Variants in BORCS5 observed in about 807,000 individuals in gnomAD.
The protein encoded by BORCS5 is BLOC-1 related complex subunit 5.
BORCS5 carries 17 observed loss-of-function variants against 22.1 expected under a neutral mutation model. That is an observed-to-expected ratio of 0.77 (90% CI 0.53 to 1.15). The LOEUF (loss-of-function observed/expected upper bound fraction) is 1.15, where lower values mean the gene tolerates loss of function less well. Ranked by LOEUF, BORCS5 falls within the 50% of genes most tolerant of loss-of-function variation. The pLI is 0.00. For synonymous variants in BORCS5, 117 were observed against 99.8 expected (o/e 1.17, Z -1.03); for missense variants, 247 against 253.2 (o/e 0.98, Z 0.17).
In BORCS5 at chr12:12,424,732, G is replaced by T. The variant is rs532308403; in HGVS notation, c.203-10896G>T. 3.3e-5 allele frequency among the ~76,000 whole-genome samples: 5 copies of T among 152,182 alleles called. No homozygotes were observed. In the East Asian group the frequency reaches 7.7e-4, roughly 24 times the overall value. ...TTTGGTATTTTGATTGTTACAGGAT[G>T]TGTCTGTGCCAAGAATCAGCCAGAG... is the stretch of plus-strand genomic sequence containing the variant. On this transcript the variant is annotated intron_variant, in intron 2 of 3. Transcript: ENST00000314565.
chr12:12,400,577 T>C (rs1267270276), intron 2 of BORCS5, among the ~76,000 whole-genome samples: 3 of 136,010 alleles, frequency 2.2e-5, no homozygotes, highest in African/African-American at 6.2e-5. Context: ...ATTTGCAGTA[T>C]GTCAGCATAC....
At chr12:12,402,367 C>A (rs533187191) in intron 2 of BORCS5, among the ~76,000 whole-genome samples, 2 of 152,260 alleles carry the variant, frequency 1.3e-5, no homozygotes, top group East Asian at 3.9e-4. Flanking sequence ...CAGCTTCTGT[C>A]ATATTTGAAT....
rs1234776941 is a variant in BORCS5 at position 12,435,709 on chromosome 12, G to A, written c.284G>A (p.Arg95Gln). ...DSQQVLQLCL[R>Q]YQDHLHQCAE... ...CAGCAGGTGTTGCAGCTCTGCCTCC[G>A]ATATCAAGATCACCTGCATCAGTGT... Residue 95 changes from arginine to glutamine, a missense_variant, in exon 3 of 4, where the codon CGA (arginine) becomes CAA (glutamine). Arg to Gln is a conservative substitution (Grantham distance 43, BLOSUM62 1). Transcript: ENST00000314565. 3.7e-6 allele frequency: 6 copies of A among 1,613,996 alleles called. No individual in the cohort carries two copies. The highest frequency in any genetic ancestry group is 5.1e-6 in the Non-Finnish European group (6 of 1,179,954).
At chr12:12,396,654 C>A (rs1941355007) in intron 2 of BORCS5, among the ~76,000 whole-genome samples, 1 of 152,036 alleles carries the variant, frequency 6.6e-6, no homozygotes, top group Non-Finnish European at 1.5e-5. Flanking sequence ...GGTTATAAAT[C>A]TTTATGTTAT....
chr12:12,429,115 G>T (rs1942359114), intron 2 of BORCS5, among the ~76,000 whole-genome samples: 1 of 152,140 alleles, frequency 6.6e-6, no homozygotes, highest in African/African-American at 2.4e-5. Context: ...CTCATTGAAA[G>T]CATTCCAAAA....
chr12:12,376,315 G>C (rs1863651249), intron 2 of BORCS5, among the ~76,000 whole-genome samples: 2 of 148,186 alleles, frequency 1.3e-5, no homozygotes, highest in African/African-American at 5.0e-5. Flanking sequence ...CTCACTGCAA[G>C]CTCTGCCTCC....
chr12:12,421,757 T>G (rs7969020), intron 2 of BORCS5, among the ~76,000 whole-genome samples: 19 of 151,954 alleles, frequency 1.3e-4, no homozygotes, highest in African/African-American at 4.6e-4. Context: ...AAGAGATTCA[T>G]CTTCTTCCTG....
intron 2 of BORCS5, among the ~76,000 whole-genome samples, chr12:12,382,532 A>AT (rs1017027795): frequency 4.2e-5 from 6 of 142,142 alleles, no homozygotes; most frequent in African/African-American, 1.7e-4. Flanking sequence ...GATGGTATAT[A>AT]TCTTTTTTTT....
At chr12:12,453,593 G>C (rs11054917) in intron 3 of BORCS5, among the ~76,000 whole-genome samples, 1 of 152,036 alleles carries the variant, frequency 6.6e-6, no homozygotes, top group Non-Finnish European at 1.5e-5. Context: ...CAGATTTAAA[G>C]AATAACCATG....
In BORCS5 at chr12:12,357,400, G is replaced by T; in HGVS notation, c.-52G>T. ...GCCCCTGCCCTGTCGCCCGCCGCCG[G>T]AGCGGTGACCGCCCGGCCCGCCGTT... On this transcript the variant is annotated 5_prime_UTR_variant, in exon 1 of 4. Coordinates refer to ENST00000314565, the MANE Select transcript of BORCS5 (RefSeq NM_058169.6). 1 of 1,587,496 alleles carries T rather than the reference G, an allele frequency of 6.3e-7. No homozygotes were observed. Among genetic ancestry groups the T allele is most frequent in the Non-Finnish European group, 8.6e-7 (1 of 1,162,760 alleles).
chr12:12,446,775 G>A (rs764213787), intron 3 of BORCS5, among the ~76,000 whole-genome samples: 6 of 152,182 alleles, frequency 3.9e-5, no homozygotes, highest in Non-Finnish European at 7.3e-5. Flanking sequence ...CATTTCACTT[G>A]TCTAAGGTCC....
At chr12:12,382,105 A>G (rs1863786501) in intron 2 of BORCS5, among the ~76,000 whole-genome samples, 1 of 151,392 alleles carries the variant, frequency 6.6e-6, no homozygotes, top group African/African-American at 2.4e-5. Flanking sequence ...TTGAGTTGCT[A>G]TAAAGGAATA....
intron 2 of BORCS5, among the ~76,000 whole-genome samples, chr12:12,418,538 T>G (rs1942032567): frequency 6.6e-6 from 1 of 152,212 alleles, no homozygotes; most frequent in East Asian, 1.9e-4. Flanking sequence ...AATTTAAAAA[T>G]TAGCCAGGTG....
chr12:12,399,969 G>T (rs1000303091), intron 2 of BORCS5, among the ~76,000 whole-genome samples: 8 of 152,186 alleles, frequency 5.3e-5, no homozygotes. Flanking sequence ...CCAAATGTTT[G>T]CTAAAAATTA....
Position 12,435,809 on chromosome 12 carries a change from A to G in BORCS5, c.360+24A>G, listed in dbSNP as rs1479512426. The G allele has an allele frequency of 1.9e-6, 3 of 1,599,672 alleles. No individual in the cohort carries two copies. The African/African-American group carries it at 4.0e-5, about 21-fold the overall frequency. Reference sequence around the variant, plus strand: ...AGGTAATGTGCTGCGGGAAAATAACATTGCTGACTGGTTGTTGTGATTCTC... The same window carrying G: ...AGGTAATGTGCTGCGGGAAAATAACGTTGCTGACTGGTTGTTGTGATTCTC... On this transcript the variant is annotated intron_variant, in intron 3 of 3. Coordinates refer to ENST00000314565, the MANE Select transcript of BORCS5 (RefSeq NM_058169.6).
At chr12:12,413,698 C>T (rs1247735939) in intron 2 of BORCS5, among the ~76,000 whole-genome samples, 5 of 121,710 alleles carry the variant, frequency 4.1e-5, no homozygotes, top group Non-Finnish European at 8.7e-5. Context: ...GGCGGCTGGC[C>T]GGGCGGGGGG....
chr12:12,425,303 G>A (rs1055407029), intron 2 of BORCS5, among the ~76,000 whole-genome samples: 22 of 152,192 alleles, frequency 1.4e-4, no homozygotes, highest in African/African-American at 4.1e-4. Flanking sequence ...CTACAAAATA[G>A]TTACATCAGA....
Position 12,357,217 on chromosome 12 carries a change from C to G in BORCS5, c.-235C>G. 6.7e-7 allele frequency: 1 copy of G among 1,482,094 alleles called. No individual in the cohort carries two copies. Among genetic ancestry groups the G allele is most frequent in the Non-Finnish European group, 8.9e-7 (1 of 1,119,426 alleles). 91.8% of individuals were successfully genotyped at this position (1,482,094 alleles called of 1,614,324 possible). ...TCCCGGAAAGAAGGAGGGCTAGCCG[C>G]GTGCGTTCGCGCCGCGCCTCCTTGC... On this transcript the variant is annotated 5_prime_UTR_variant, in exon 1 of 4. Coordinates refer to ENST00000314565, the MANE Select transcript of BORCS5 (RefSeq NM_058169.6).
At chr12:12,362,493 T>G (rs1863308892) in intron 2 of BORCS5, among the ~76,000 whole-genome samples, 1 of 152,160 alleles carries the variant, frequency 6.6e-6, no homozygotes, top group Non-Finnish European at 1.5e-5. Flanking sequence ...ATACATATGC[T>G]ATGTTGGTGT....
Sources: gnomAD v4.1 joint callset for allele counts (sites outside exome capture counted in the v4.1 genomes callset) on GRCh38, gnomAD v4.1.1 for gene constraint, MANE v1.5 for transcripts, NCBI Gene and HGNC (gene_info 2026-07-23, HGNC 2026-07-21) for gene names.